PALD1: variants seen among roughly 807,000 people sequenced by gnomAD.
PALD1 encodes the protein paladin.
In PALD1, 57 loss-of-function variants were observed where a neutral mutation model predicts 96.0. The observed-to-expected ratio is 0.59, with a 90% CI of 0.48 to 0.74. The LOEUF (loss-of-function observed/expected upper bound fraction) is 0.74. PALD1 is among the 30% of genes least tolerant of loss of function. The probability of loss-of-function intolerance (pLI) is 0.00; values close to 1 mark genes in which losing one functional copy is unlikely to be tolerated. For synonymous variants in PALD1, 464 were observed against 473.6 expected, an observed-to-expected ratio of 0.98 and a Z score of 0.26; for missense variants, 1,063 against 1,143.7, an observed-to-expected ratio of 0.93 and a Z score of 1.02.
intron 1 of PALD1, among the ~76,000 whole-genome samples, chr10:70,505,244 C>A (rs1203957013): frequency 6.6e-6 from 1 of 152,204 alleles, no homozygotes; most frequent in Non-Finnish European, 1.5e-5. Flanking sequence ...TTATTGGCAA[C>A]AAATTAAGTC....
At chr10:70,551,609 T>C (rs2132423362) in intron 18 of PALD1, among the ~76,000 whole-genome samples, 1 of 152,032 alleles carries the variant, frequency 6.6e-6, no homozygotes, top group East Asian at 1.9e-4. Flanking sequence ...AGCCCCCAAA[T>C]GGTGAATTTC....
At chr10:70,489,820 C>G (rs937407512) in intron 1 of PALD1, among the ~76,000 whole-genome samples, 1 of 152,168 alleles carries the variant, frequency 6.6e-6, no homozygotes, top group African/African-American at 2.4e-5. Flanking sequence ...CACTCCCCAC[C>G]CCCAGCCCGC....
At chr10:70,562,637 G>C (rs1847763969) in intron 18 of PALD1, among the ~76,000 whole-genome samples, 1 of 152,216 alleles carries the variant, frequency 6.6e-6, no homozygotes, top group East Asian at 1.9e-4. Flanking sequence ...GATGACCCCT[G>C]TGCCACGTCC....
chr10:70,478,144 C>A (rs1020673488), upstream of PALD1, among the ~76,000 whole-genome samples: 1 of 152,174 alleles, frequency 6.6e-6, no homozygotes, highest in African/African-American at 2.4e-5. Flanking sequence ...CTGCTGTTCC[C>A]CTCTCACCTC....
At chr10:70,528,398 C>T (rs912699581) in intron 2 of PALD1, among the ~76,000 whole-genome samples, 1 of 152,082 alleles carries the variant, frequency 6.6e-6, no homozygotes, top group Non-Finnish European at 1.5e-5. Context: ...TTACTGTGCC[C>T]CAGGCACTGG....
At position 70,557,930 on chromosome 10, in the gene PALD1, C is replaced by CTTTTT. The variant is rs781513750; in HGVS notation, c.2263-6418_2263-6414dup. On this transcript the variant is annotated intron_variant, in intron 18 of 19. Transcript: ENST00000263563. Reference sequence around the variant, plus strand: ...CTGAACCTGGCCTTGTTGGCTCTTCCTTTTTTTTTTTTTTTTTTTTAGAGA... The same window carrying CTTTTT: ...CTGAACCTGGCCTTGTTGGCTCTTCCTTTTTTTTTTTTTTTTTTTTTTTTTAGAGA... Among the ~76,000 whole-genome samples, 26 of 92,884 alleles carry CTTTTT rather than the reference C, an allele frequency of 2.8e-4. 4 individuals carry two copies. The highest frequency in any genetic ancestry group is 5.7e-4 in the Admixed American group (4 of 7,028). 60.9% of individuals were successfully genotyped at this position (92,884 alleles called of 152,430 possible).
intron 1 of PALD1, among the ~76,000 whole-genome samples, chr10:70,504,252 C>T (rs1846347368): frequency 6.6e-6 from 1 of 152,234 alleles, no homozygotes; most frequent in Admixed American, 6.5e-5. Context: ...TTCGGCTGGG[C>T]ATGGTGGCTC....
At position 70,532,982 on chromosome 10, in the gene PALD1, C is replaced by T; in HGVS notation, c.795-13C>T. 1 of 1,571,366 alleles carries T rather than the reference C, an allele frequency of 6.4e-7. No homozygotes were observed. Among genetic ancestry groups the T allele is most frequent in the Non-Finnish European group, 8.6e-7 (1 of 1,158,178 alleles). On this transcript the variant is annotated splice_polypyrimidine_tract_variant and intron_variant, in intron 6 of 19. Transcript: ENST00000263563. ...GGGTGCCTGCCTGATGGCTGCTCTC[C>T]CTCACCTGGCAGGTACCACCGCCTG...
At chr10:70,470,040 C>T in the PALD1 span, among the ~76,000 whole-genome samples, 13 of 152,144 alleles carry the variant, frequency 8.5e-5, no homozygotes, top group Admixed American at 2.6e-4. Context: ...GTGATCTGCC[C>T]GCCTCAGCAT....
At chr10:70,514,303 G>T (rs865964375) in intron 1 of PALD1, among the ~76,000 whole-genome samples, 1 of 152,162 alleles carries the variant, frequency 6.6e-6, no homozygotes, top group African/African-American at 2.4e-5. Context: ...CGCAGTGGCA[G>T]CCCCGCCTGC....
At chr10:70,552,798 G>C (rs145743999) in intron 18 of PALD1, among the ~76,000 whole-genome samples, 1 of 152,176 alleles carries the variant, frequency 6.6e-6, no homozygotes, top group South Asian at 2.1e-4. Flanking sequence ...AATCTCACAG[G>C]CTTTTTGCAG....
chr10:70,466,489 C>T, the PALD1 span, among the ~76,000 whole-genome samples: 2 of 152,128 alleles, frequency 1.3e-5, no homozygotes, highest in Non-Finnish European at 2.9e-5. Flanking sequence ...GTGATCTGCC[C>T]ATCTCAGCTT....
At chr10:70,503,519 C>G (rs920343192) in intron 1 of PALD1, among the ~76,000 whole-genome samples, 7 of 152,036 alleles carry the variant, frequency 4.6e-5, no homozygotes, top group Non-Finnish European at 1.0e-4. Context: ...GCCTGTAATC[C>G]TAGCTACTCA....
At chr10:70,551,984 C>T (rs943147821) in intron 18 of PALD1, among the ~76,000 whole-genome samples, 10 of 152,258 alleles carry the variant, frequency 6.6e-5, no homozygotes, top group Non-Finnish European at 1.2e-4. Flanking sequence ...CACTTGCATG[C>T]AGCTCTCTGG....
chr10:70,558,931 G>A (rs1263995876), intron 18 of PALD1, among the ~76,000 whole-genome samples: 3 of 152,112 alleles, frequency 2.0e-5, no homozygotes, highest in Non-Finnish European at 4.4e-5. Flanking sequence ...TACTGATAAT[G>A]CCGAGGTTGC....
At chr10:70,476,819 G>T (rs1329652866), upstream of PALD1, among the ~76,000 whole-genome samples, 2 of 152,140 alleles carry the variant, frequency 1.3e-5, no homozygotes, top group Admixed American at 1.3e-4. Context: ...TGTTCTCTGG[G>T]AGCTAGAGAG....
At chr10:70,465,475 A>C in the PALD1 span, among the ~76,000 whole-genome samples, 1 of 152,158 alleles carries the variant, frequency 6.6e-6, no homozygotes, top group Non-Finnish European at 1.5e-5. Flanking sequence ...GGAGAGAATG[A>C]GTATTTACTG....
At chr10:70,508,402 G>A (rs1202150611) in intron 1 of PALD1, among the ~76,000 whole-genome samples, 1 of 152,140 alleles carries the variant, frequency 6.6e-6, no homozygotes, top group Non-Finnish European at 1.5e-5. Flanking sequence ...TGGAGTTTAG[G>A]GCATGGGAGT....
the PALD1 span, among the ~76,000 whole-genome samples, chr10:70,464,079 C>T: frequency 1.5e-4 from 23 of 152,302 alleles, no homozygotes; most frequent in African/African-American, 5.3e-4. Context: ...TCCCTCGGGC[C>T]GCTCCCAGTC....
Sources: gnomAD v4.1 joint callset for allele counts (sites outside exome capture counted in the v4.1 genomes callset) on GRCh38, gnomAD v4.1.1 for gene constraint, MANE v1.5 for transcripts, NCBI Gene and HGNC (gene_info 2026-07-23, HGNC 2026-07-21) for gene names.